GPC5: variants seen among roughly 807,000 people sequenced by gnomAD.
GPC5 encodes glypican-5.
In GPC5, 47 loss-of-function variants were observed where a neutral mutation model predicts 53.9. That is an observed-to-expected ratio of 0.87 (90% CI 0.69 to 1.11). The LOEUF is 1.11. Ranked by LOEUF, GPC5 falls within the 50% of genes most tolerant of loss-of-function variation. The pLI, the probability that GPC5 is intolerant of heterozygous loss-of-function variation, is 0.00. For synonymous variants in GPC5, 286 were observed against 263.3 expected, an observed-to-expected ratio of 1.09 and a Z score of -0.84; for missense variants, 748 against 713.1, an observed-to-expected ratio of 1.05 and a Z score of -0.56.
At chr13:92,708,194 C>T (rs912183868) in intron 7 of GPC5, among the ~76,000 whole-genome samples, 1 of 152,118 alleles carries the variant, frequency 6.6e-6, no homozygotes, top group Non-Finnish European at 1.5e-5. Context: ...TTTTGAAGAA[C>T]TTGACCATTA....
At chr13:91,453,803 C>T (rs534787850) in intron 2 of GPC5, among the ~76,000 whole-genome samples, 7 of 151,930 alleles carry the variant, frequency 4.6e-5, no homozygotes, top group Non-Finnish European at 8.8e-5. Flanking sequence ...CTCCTTCTTC[C>T]TTTCTTTTAT....
intron 7 of GPC5, among the ~76,000 whole-genome samples, chr13:92,825,069 T>A (rs953857215): frequency 1.3e-5 from 2 of 152,074 alleles, no homozygotes; most frequent in African/African-American, 4.8e-5. Flanking sequence ...CACTAAAAAG[T>A]CTCCGGGAAA....
At chr13:91,599,502 A>G (rs757632615) in intron 2 of GPC5, among the ~76,000 whole-genome samples, 4 of 152,190 alleles carry the variant, frequency 2.6e-5, no homozygotes, top group Non-Finnish European at 5.9e-5. Context: ...ATTCATTCAC[A>G]TAAGAGTCCA....
At chr13:92,825,788 C>A (rs2138815068) in intron 7 of GPC5, among the ~76,000 whole-genome samples, 1 of 152,168 alleles carries the variant, frequency 6.6e-6, no homozygotes, top group South Asian at 2.1e-4. Flanking sequence ...ATCTTAATTA[C>A]ATGTATTCTG....
rs376800078 is a variant in GPC5, at chr13:91,480,920, C to T, written c.325+31998C>T. ...CCCCAAATGGTCAGGTGGCAGTCCC[C>T]ATTGAGACAGTGATATTTCTGTGTT... is the stretch of plus-strand genomic sequence containing the variant. On this transcript the variant is annotated intron_variant, in intron 2 of 7. Coordinates refer to ENST00000377067, the MANE Select transcript of GPC5 (RefSeq NM_004466.6). 9.2e-4 allele frequency among the ~76,000 whole-genome samples: 140 copies of T among 151,764 alleles called. 1 individual carries two copies. In the South Asian group the frequency reaches 0.022, roughly 24 times the overall value.
intron 6 of GPC5, among the ~76,000 whole-genome samples, chr13:91,999,161 C>A (rs922726316): frequency 6.6e-6 from 1 of 151,908 alleles, no homozygotes; most frequent in Non-Finnish European, 1.5e-5. Context: ...GAAATTTAAT[C>A]TCATTTTATG....
chr13:92,136,741 C>T (rs1391093216), intron 6 of GPC5, among the ~76,000 whole-genome samples: 5 of 152,182 alleles, frequency 3.3e-5, no homozygotes, highest in Non-Finnish European at 7.3e-5. Flanking sequence ...TCTTTCACCA[C>T]TAACAGGTTG....
chr13:91,796,434 T>G (rs554903555), intron 5 of GPC5, among the ~76,000 whole-genome samples: 60 of 152,290 alleles, frequency 3.9e-4, no homozygotes, highest in African/African-American at 1.4e-3. Flanking sequence ...CAGAAGAGTG[T>G]GCAGTTGCAA....
rs185499245 is a variant in GPC5 at position 91,925,330 on chromosome 13, T to C, written c.1401+17273T>C. 6.2e-3 allele frequency among the ~76,000 whole-genome samples: 949 copies of C among 152,346 alleles called. 3 individuals are homozygous for C. Among genetic ancestry groups the C allele is most frequent in the Non-Finnish European group, 0.011 (729 of 68,028 alleles). On this transcript the variant is annotated intron_variant, in intron 6 of 7. Coordinates refer to ENST00000377067, the MANE Select transcript of GPC5 (RefSeq NM_004466.6). ...AATGAAGCAGGAAAGTAAATCTTCC[T>C]AATTATCATATACTTAACTGTTTAA...
intron 4 of GPC5, 84 bp from the exon 5 acceptor site, chr13:91,756,211 A>C: frequency 1.0e-6 from 1 of 969,452 alleles, no homozygotes; most frequent in Non-Finnish European, 1.4e-6. Flanking sequence ...TATCCTAAAC[A>C]TTATGTATAA....
intron 7 of GPC5, among the ~76,000 whole-genome samples, chr13:92,476,272 A>G (rs1488219306): frequency 6.6e-6 from 1 of 152,216 alleles, no homozygotes; most frequent in Non-Finnish European, 1.5e-5. Flanking sequence ...ACATTTATGC[A>G]GCCAAAAAAC....
At chr13:91,510,738 T>C (rs1277215492) in intron 2 of GPC5, among the ~76,000 whole-genome samples, 13 of 152,212 alleles carry the variant, frequency 8.5e-5, no homozygotes, top group Non-Finnish European at 7.4e-5. Context: ...CCATAATGGA[T>C]ATAACTATTT....
intron 7 of GPC5, among the ~76,000 whole-genome samples, chr13:92,347,149 C>T (rs1594118748): frequency 1.3e-5 from 2 of 151,992 alleles, no homozygotes; most frequent in Non-Finnish European, 2.9e-5. Flanking sequence ...CTAAAAAAAA[C>T]TTCCATATTC....
intron 7 of GPC5, among the ~76,000 whole-genome samples, chr13:92,763,642 C>T (rs576149442): frequency 6.6e-6 from 1 of 152,226 alleles, no homozygotes; most frequent in East Asian, 1.9e-4. Flanking sequence ...CATAAAGAGA[C>T]TTTGCCACCT....
chr13:91,908,199 G>T, intron 6 of GPC5, 142 bp downstream of exon 6: 1 of 651,302 alleles, frequency 1.5e-6, no homozygotes. Flanking sequence ...CAGGACATTT[G>T]GAAATATTTA....
chr13:92,508,642 C>T (rs1448609294), intron 7 of GPC5, among the ~76,000 whole-genome samples: 1 of 152,118 alleles, frequency 6.6e-6, no homozygotes, highest in African/African-American at 2.4e-5. Context: ...TTCTTAAAAA[C>T]TATGCTTTAT....
At chr13:91,477,585 C>T (rs1883003478) in intron 2 of GPC5, among the ~76,000 whole-genome samples, 1 of 151,936 alleles carries the variant, frequency 6.6e-6, no homozygotes, top group South Asian at 2.1e-4. Context: ...TTTGGAATAC[C>T]CATAAAAGAG....
intron 7 of GPC5, among the ~76,000 whole-genome samples, chr13:92,545,425 G>T (rs1444865974): frequency 6.6e-6 from 1 of 152,136 alleles, no homozygotes; most frequent in East Asian, 1.9e-4. Flanking sequence ...AATCCTTTGG[G>T]TATATACCCA....
intron 7 of GPC5, among the ~76,000 whole-genome samples, chr13:92,778,966 T>TACAC (rs5805763): frequency 0.05 from 7,452 of 149,308 alleles, 780 homozygotes; most frequent in East Asian, 0.48. Context: ...GTGCAAGATA[T>TACAC]ACACACACAC....
Sources: allele counts gnomAD v4.1 joint callset (sites outside exome capture counted in the v4.1 genomes callset), GRCh38; gene constraint gnomAD v4.1.1; transcripts MANE v1.5; gene names NCBI Gene and HGNC (gene_info 2026-07-23, HGNC 2026-07-21).